The following METTL22 variants were observed in gnomAD, a reference collection of about 807,000 sequenced individuals.
The protein encoded by METTL22 is methyltransferase 22, Kin17 lysine, also known as methyltransferase-like protein 22.
A neutral mutation model predicts 48.4 loss-of-function variants in METTL22; 51 were observed. The ratio of observed to expected loss-of-function variants is 1.05; its 90% confidence interval spans 0.84 to 1.33. The LOEUF (loss-of-function observed/expected upper bound fraction) is 1.33, where lower values mean the gene tolerates loss of function less well. Ranked by LOEUF, METTL22 falls within the 40% of genes most tolerant of loss-of-function variation. METTL22 has a pLI of 0.00. For synonymous variants in METTL22, 255 were observed against 214.1 expected (o/e 1.19, Z -1.67); for missense variants, 678 against 526.9 (o/e 1.29, Z -2.81).
At position 8,641,111 on chromosome 16, in the gene METTL22, C is replaced by T. The variant is rs1327851864; in HGVS notation, c.773-20C>T. ...TGATGTTTAGAGTTTGGAAAGTTCT[C>T]TTTTTGTTTGTTTTTACAGGTGGTA... On this transcript the variant is annotated intron_variant, in intron 6 of 10. Transcript: ENST00000381920. 6 of 1,612,728 alleles carry T rather than the reference C, an allele frequency of 3.7e-6. No homozygotes were observed. The African/African-American group carries it at 6.7e-5, about 18-fold the overall frequency.
At chr16:8,633,567 C>T (rs1596345315) in intron 3 of METTL22, among the ~76,000 whole-genome samples, 1 of 152,336 alleles carries the variant, frequency 6.6e-6, no homozygotes, top group Non-Finnish European at 1.5e-5. Context: ...GGCCGTGCCA[C>T]CACACTCCAG....
At chr16:8,654,093 C>G (rs904486068), downstream of METTL22, among the ~76,000 whole-genome samples, 2 of 152,160 alleles carry the variant, frequency 1.3e-5, no homozygotes, top group African/African-American at 4.8e-5. Flanking sequence ...AGCCAACTGT[C>G]CTAAACATTT....
chr16:8,625,895 G>A (rs929088110), intron 2 of METTL22, 97 bp downstream of exon 2: 17 of 1,454,634 alleles, frequency 1.2e-5, no homozygotes, highest in East Asian at 9.1e-5. Flanking sequence ...ACTGGATTAC[G>A]TAACTGTTAT....
the METTL22 span, among the ~76,000 whole-genome samples, chr16:8,666,253 G>C: frequency 5.3e-5 from 8 of 152,096 alleles, no homozygotes; most frequent in Admixed American, 1.3e-4. Flanking sequence ...CTTGCTCCAC[G>C]GTGGGATAAT....
chr16:8,665,053 C>A, the METTL22 span, among the ~76,000 whole-genome samples: 1 of 152,150 alleles, frequency 6.6e-6, no homozygotes, highest in Admixed American at 6.6e-5. Flanking sequence ...ATGGGCCTGA[C>A]TCTAGGGCAG....
chr16:8,664,831 A>AT, the METTL22 span, among the ~76,000 whole-genome samples: 1 of 151,408 alleles, frequency 6.6e-6, no homozygotes, highest in South Asian at 2.1e-4. Flanking sequence ...GAGGTCTTTC[A>AT]TGCAAAGATC....
chr16:8,644,623 GCA>G lies in METTL22; in HGVS notation c.1079_1080del (p.His360ArgfsTer59), dbSNP rs765040308. 1 of 1,605,766 alleles carries G rather than the reference GCA, an allele frequency of 6.2e-7. No individual in the cohort carries two copies. Among genetic ancestry groups the G allele is most frequent in the East Asian group, 2.3e-5 (1 of 44,234 alleles). ...EAYDHFRSCL[H>X]ALEQLADGKL... The stretch of plus-strand genomic sequence containing the variant: ...CCTACGATCACTTCCGCTCCTGCCT[GCA>G]CGCGCTGGAGCAGCTCGCAGATGGC... On this transcript the variant is annotated frameshift_variant, in exon 10 of 11. Transcript: ENST00000381920. LOFTEE classifies it high-confidence loss of function.
intron 10 of METTL22, among the ~76,000 whole-genome samples, chr16:8,645,268 G>A (rs2056752038): frequency 6.6e-6 from 1 of 152,158 alleles, no homozygotes; most frequent in African/African-American, 2.4e-5. Context: ...TAGTTCTAAG[G>A]AAAAAGGGAG....
rs745924330 is a variant in METTL22 at position 8,642,524 on chromosome 16, A to G, written c.969A>G (p.Arg323=). 3.5e-5 allele frequency: 56 copies of G among 1,614,090 alleles called. No homozygotes were observed. The highest frequency in any genetic ancestry group is 4.2e-6 in the Non-Finnish European group (5 of 1,180,046). Residue 323 remains arginine, a synonymous_variant, in exon 9 of 11, where the codon AGA becomes AGG. Transcript: ENST00000381920. The part of the protein sequence containing the change: ...VFKTLSRLAH[R]LKNACTAILS... ...AAACGCTCTCCCGACTCGCCCACAG[A>G]TTGAAAAATGCCTGCACAGCCATAC...
intron 7 of METTL22, 171 bp from the exon 8 acceptor site, chr16:8,641,956 G>A (rs4985091): frequency 0.9 from 569,870 of 636,218 alleles, 255,840 homozygotes; most frequent in East Asian, 1. Flanking sequence ...CTCTGCACCC[G>A]GGCAGCAGTG....
chr16:8,661,363 T>A, the METTL22 span, among the ~76,000 whole-genome samples: 23,153 of 149,666 alleles, frequency 0.15, 1,961 homozygotes, highest in African/African-American at 0.18. Context: ...GAACTTACCG[T>A]TGGCCGGGCG....
rs1187678960 is a variant in METTL22 at position 8,647,667 on chromosome 16, G to C, written c.*1524G>C. 2.0e-5 allele frequency: 3 copies of C among 152,210 alleles called. No individual in the cohort carries two copies. The highest frequency in any genetic ancestry group is 7.2e-5 in the African/African-American group (3 of 41,438). 9.4% of individuals were successfully genotyped at this position (152,210 alleles called of 1,614,324 possible). ...AGTAGCGCCGAGGCGGAGAAATCCT[G>C]ACTTGGAAGAAGAAAGCCAAGTACT... is the stretch of plus-strand genomic sequence containing the variant. On this transcript the variant is annotated 3_prime_UTR_variant, in exon 11 of 11. Transcript: ENST00000381920.
At chr16:8,626,754 C>A (rs563440574) in intron 2 of METTL22, among the ~76,000 whole-genome samples, 1 of 136,580 alleles carries the variant, frequency 7.3e-6, no homozygotes, top group East Asian at 2.2e-4. Context: ...CAACCCTGTC[C>A]TCTACTCTTT....
chr16:8,633,469 G>T (rs1489869498), intron 3 of METTL22, among the ~76,000 whole-genome samples: 1 of 152,176 alleles, frequency 6.6e-6, no homozygotes, highest in Non-Finnish European at 1.5e-5. Context: ...AGCCTGGCAT[G>T]GAGGCATGCA....
chr16:8,626,705 T>C (rs2056067541), intron 2 of METTL22, among the ~76,000 whole-genome samples: 1 of 140,256 alleles, frequency 7.1e-6, no homozygotes, highest in Non-Finnish European at 1.5e-5. Context: ...CACCCCGGCC[T>C]CCCAAAGTGC....
At chr16:8,623,844 A>C (rs946958015) in intron 1 of METTL22, 5 of 152,182 alleles carry the variant, frequency 3.3e-5, no homozygotes, top group Admixed American at 2.6e-4. Context: ...TGATGACCTC[A>C]TTTTGCAGTT....
intron 5 of METTL22, 147 bp from the exon 6 acceptor site, chr16:8,638,944 T>TAA: frequency 1.4e-6 from 1 of 726,178 alleles, no homozygotes; most frequent in Non-Finnish European, 2.4e-6. Flanking sequence ...GGTGAGGGTA[T>TAA]TTAATTTTGG....
the METTL22 span, among the ~76,000 whole-genome samples, chr16:8,661,765 G>T: frequency 7.0e-6 from 1 of 143,764 alleles, no homozygotes; most frequent in Non-Finnish European, 1.5e-5. Context: ...TAGAGACAGG[G>T]TCTCACTATA....
chr16:8,640,893 A>AATGGATGGATGGATGGATGG (rs1406391890), intron 6 of METTL22, among the ~76,000 whole-genome samples: 9 of 12,906 alleles, frequency 7.0e-4, no homozygotes, highest in Non-Finnish European at 1.2e-3. Flanking sequence ...TGGGTGGGTG[A>AATGGATGGATGGATGGATGG]ATGGATGGAT....
Sources: gnomAD v4.1 joint callset for allele counts (sites outside exome capture counted in the v4.1 genomes callset) on GRCh38, gnomAD v4.1.1 for gene constraint, MANE v1.5 for transcripts, NCBI Gene and HGNC (gene_info 2026-07-23, HGNC 2026-07-21) for gene names.